The following MMP20 variants were observed in gnomAD, a reference collection of about 807,000 sequenced individuals.
MMP20 encodes matrix metallopeptidase 20.
MMP20 carries 50 observed loss-of-function variants against 51.8 expected under a neutral mutation model. The observed-to-expected ratio is 0.97, with a 90% CI of 0.77 to 1.22. The LOEUF (loss-of-function observed/expected upper bound fraction) is 1.22. Ranked by LOEUF, MMP20 falls within the 50% of genes most tolerant of loss-of-function variation. The pLI, the probability that MMP20 is intolerant of heterozygous loss-of-function variation, is 0.00. For synonymous variants in MMP20, 244 were observed against 216.2 expected (o/e 1.13, Z -1.13); for missense variants, 663 against 601.4 (o/e 1.10, Z -1.07).
chr11:102,609,867 C>T (rs1472071915), intron 4 of MMP20, 38 bp downstream of exon 4: 2 of 1,613,676 alleles, frequency 1.2e-6, no homozygotes, highest in South Asian at 2.2e-5. Context: ...GAAGAAGGTA[C>T]AATATTTTCC....
At chr11:102,599,465 C>G (rs558743175) in intron 6 of MMP20, among the ~76,000 whole-genome samples, 2 of 152,310 alleles carry the variant, frequency 1.3e-5, no homozygotes, top group African/African-American at 4.8e-5. Flanking sequence ...TTCTGAGACT[C>G]AATTTCCTAC....
chr11:102,608,873 T>G lies in MMP20; in HGVS notation c.811+64A>C. ...CCAATGCAGATAAAATGCACTTTCT[T>G]TAATTCGGAGACTGAATGCCTGCCA... On this transcript the variant is annotated intron_variant, in intron 5 of 9. Transcript: ENST00000260228. 3 of 1,543,958 alleles carry G rather than the reference T, an allele frequency of 1.9e-6. No individual in the cohort carries two copies. The South Asian group carries it at 3.4e-5, about 17-fold the overall frequency.
intron 8 of MMP20, among the ~76,000 whole-genome samples, chr11:102,591,288 G>A (rs1233329767): frequency 6.6e-6 from 1 of 152,188 alleles, no homozygotes; most frequent in East Asian, 1.9e-4. Flanking sequence ...TTGCTGAAGG[G>A]ATTGTCTATG....
intron 6 of MMP20, among the ~76,000 whole-genome samples, chr11:102,596,393 C>T (rs1051231217): frequency 1.3e-5 from 2 of 152,166 alleles, no homozygotes; most frequent in African/African-American, 4.8e-5. Context: ...CTCTCCAAGC[C>T]TCAGTTTAAT....
At chr11:102,594,158 C>T (rs185340270) in intron 7 of MMP20, among the ~76,000 whole-genome samples, 10 of 152,330 alleles carry the variant, frequency 6.6e-5, no homozygotes, top group Admixed American at 5.2e-4. Context: ...TAGTAAAGGG[C>T]TAGAGCCAGA....
At chr11:102,611,154 AG>A (rs1859593900) in intron 3 of MMP20, among the ~76,000 whole-genome samples, 1 of 152,232 alleles carries the variant, frequency 6.6e-6, no homozygotes, top group African/African-American at 2.4e-5. Flanking sequence ...ATTAAAATTA[AG>A]ATCTGGGCTT....
At position 102,594,765 on chromosome 11, in the gene MMP20, A is replaced by G. The variant is rs753860333; in HGVS notation, c.954-8T>C. On this transcript the variant is annotated splice_region_variant and splice_polypyrimidine_tract_variant and intron_variant, in intron 6 of 9. Transcript: ENST00000260228. Reference sequence around the variant, plus strand: ...TGCCGTCTCCAGAAAATCCTATGGGACATTCCAAAAAAAAAAAAAAAAAAA... The same window carrying G: ...TGCCGTCTCCAGAAAATCCTATGGGGCATTCCAAAAAAAAAAAAAAAAAAA... The G allele has an allele frequency of 1.0e-5, 15 of 1,497,374 alleles. No individual in the cohort carries two copies. Among genetic ancestry groups the G allele is most frequent in the East Asian group, 2.5e-5 (1 of 40,172 alleles). The allele number at this position is 1,497,374 out of a possible 1,614,324, so 92.8% of individuals were successfully genotyped here.
At chr11:102,596,416 G>C (rs7950388) in intron 6 of MMP20, among the ~76,000 whole-genome samples, 53,299 of 151,912 alleles carry the variant, frequency 0.35, 9,664 homozygotes, top group East Asian at 0.45. Context: ...GCTTACATGG[G>C]AAAAATAATT....
At chr11:102,614,784 A>G (rs1341770962) in intron 2 of MMP20, among the ~76,000 whole-genome samples, 2 of 139,908 alleles carry the variant, frequency 1.4e-5, no homozygotes, top group East Asian at 4.3e-4. Context: ...GAACAGGTTA[A>G]CAAGTGGCTC....
intron 6 of MMP20, among the ~76,000 whole-genome samples, chr11:102,597,850 T>A (rs2243456): frequency 6.6e-6 from 1 of 151,990 alleles, no homozygotes; most frequent in African/African-American, 2.4e-5. Flanking sequence ...TCATGGCAAC[T>A]TCCGCCTCCT....
intron 2 of MMP20, among the ~76,000 whole-genome samples, chr11:102,612,299 T>C (rs1442578698): frequency 6.6e-6 from 1 of 152,158 alleles, no homozygotes; most frequent in African/African-American, 2.4e-5. Flanking sequence ...ACCCCATCTC[T>C]ACTAAAAATA....
chr11:102,609,008 G>A lies in MMP20; in HGVS notation c.740C>T (p.Thr247Ile), dbSNP rs766923224. 1 of 1,613,876 alleles carries A rather than the reference G, an allele frequency of 6.2e-7. No individual in the cohort carries two copies. The highest frequency in any genetic ancestry group is 8.5e-7 in the Non-Finnish European group (1 of 1,179,846). The change falls in exon 5 of 10, where the codon ACT becomes ATT. Residue 247 changes from threonine (T) to isoleucine (I), a missense_variant. Physicochemically the swap from Thr to Ile is moderately conservative, Grantham distance 89 (BLOSUM62 -1). Coordinates refer to ENST00000260228, the MANE Select transcript of MMP20 (RefSeq NM_004771.4). ...STDPSALMYP[T>I]YKYKNPYGFH... ...TCCATAGGGATTCTTGTACTTATAAGTTGGGTACATCAGTGCTGATGGGTC... is the reference window on the plus strand; with the variant it reads ...TCCATAGGGATTCTTGTACTTATAAATTGGGTACATCAGTGCTGATGGGTC...
intron 7 of MMP20, among the ~76,000 whole-genome samples, chr11:102,593,864 T>C (rs1352305144): frequency 1.3e-5 from 2 of 152,244 alleles, no homozygotes; most frequent in African/African-American, 4.8e-5. Flanking sequence ...TCTTTCAAGA[T>C]ATCCTTCATT....
intron 3 of MMP20, among the ~76,000 whole-genome samples, chr11:102,610,762 T>G (rs1292934883): frequency 2.0e-5 from 3 of 152,004 alleles, no homozygotes; most frequent in South Asian, 2.1e-4. Context: ...TTAGTTTGTT[T>G]TTTTTTTTTA....
intron 6 of MMP20, chr11:102,605,338 A>G (rs1859501414): frequency 6.6e-6 from 1 of 152,174 alleles, no homozygotes; most frequent in Admixed American, 6.5e-5. Flanking sequence ...GTACTTGGTT[A>G]TAGCAGCTCC....
chr11:102,616,705 G>T, intron 2 of MMP20, 107 bp downstream of exon 2: 2 of 1,409,050 alleles, frequency 1.4e-6, no homozygotes, highest in Non-Finnish European at 9.9e-7. Context: ...ATGGTTGTGA[G>T]GTGTCAGGAT....
At chr11:102,601,125 CTTTTTTTTTTTTT>C (rs1168517234) in intron 6 of MMP20, among the ~76,000 whole-genome samples, 1 of 28,252 alleles carries the variant, frequency 3.5e-5, no homozygotes, top group Admixed American at 4.9e-4. Context: ...GTCGGCTATT[CTTTTTTTTTTTTT>C]TTTTTTTTTT....
intron 6 of MMP20, among the ~76,000 whole-genome samples, chr11:102,599,913 C>T (rs1313477168): frequency 6.6e-6 from 1 of 152,152 alleles, no homozygotes; most frequent in Non-Finnish European, 1.5e-5. Context: ...GCATAGTGCC[C>T]TTAAATTAAG....
At chr11:102,586,003 G>T (rs756277629) in intron 8 of MMP20, among the ~76,000 whole-genome samples, 1 of 151,984 alleles carries the variant, frequency 6.6e-6, no homozygotes, top group Non-Finnish European at 1.5e-5. Flanking sequence ...TTAGGTTGTT[G>T]GTGTTTTTGG....
Sources: gnomAD v4.1 joint callset for allele counts (sites outside exome capture counted in the v4.1 genomes callset) on GRCh38, gnomAD v4.1.1 for gene constraint, MANE v1.5 for transcripts, NCBI Gene and HGNC (gene_info 2026-07-23, HGNC 2026-07-21) for gene names.